ANK3: variants seen among roughly 807,000 people sequenced by gnomAD.
ANK3 encodes ankyrin 3.
Under a neutral mutation model 370.9 loss-of-function variants are expected in ANK3, and 57 were observed. That is an observed-to-expected ratio of 0.15 (90% CI 0.12 to 0.19). ANK3 has a LOEUF of 0.19. Among genes scored for constraint, ANK3 ranks in the 10% least tolerant of loss-of-function variants. ANK3 has a pLI of 1.00. For missense variants in ANK3, 4,439 were observed against 5,302.1 expected, an observed-to-expected ratio of 0.84 and a Z score of 5.06; for synonymous variants, 1,929 against 1,946.3, an observed-to-expected ratio of 0.99 and a Z score of 0.23.
intron 43 of ANK3, among the ~76,000 whole-genome samples, chr10:60,038,697 G>A (rs1017253241): frequency 6.6e-6 from 1 of 152,096 alleles, no homozygotes; most frequent in Admixed American, 6.5e-5. Context: ...TGGTGTGTGT[G>A]TGTGTGTTTT....
chr10:60,150,911 G>A (rs2095079880), intron 23 of ANK3, among the ~76,000 whole-genome samples: 1 of 152,090 alleles, frequency 6.6e-6, no homozygotes, highest in Admixed American at 6.6e-5. Flanking sequence ...GACTAACACA[G>A]AATCTCGAGT....
chr10:60,203,872 T>A (rs1475047681), intron 11 of ANK3, among the ~76,000 whole-genome samples: 1 of 152,202 alleles, frequency 6.6e-6, no homozygotes, highest in Admixed American at 6.5e-5. Flanking sequence ...AAATCTCAAG[T>A]CATTAATATT....
intron 1 of ANK3, among the ~76,000 whole-genome samples, chr10:60,683,195 T>C (rs918366156): frequency 6.6e-6 from 1 of 152,176 alleles, no homozygotes. Flanking sequence ...TTTGACAAAG[T>C]TTCTCCCTAC....
intron 38 of ANK3, among the ~76,000 whole-genome samples, chr10:60,067,022 C>T (rs775391932): frequency 1.2e-4 from 19 of 152,210 alleles, no homozygotes; most frequent in Admixed American, 2.0e-4. Flanking sequence ...CGGGTTCAAG[C>T]GATTCTCCTG....
chr10:60,468,976 T>C (rs1466753887), intron 2 of ANK3, among the ~76,000 whole-genome samples: 3 of 129,086 alleles, frequency 2.3e-5, no homozygotes, highest in East Asian at 4.3e-4. Flanking sequence ...AGGACCACTA[T>C]ATATATACCA....
In ANK3 at chr10:60,717,259, T is replaced by TACTC. The variant is rs931225800; in HGVS notation, c.57+16000_57+16003dup. ...ACCTATTAGAAGGAAGAAGTAGTGG[T>TACTC]ACTCAAAAAATAAAGGGTGCATAAA... is the stretch of plus-strand genomic sequence containing the variant. On this transcript the variant is annotated intron_variant, in intron 1 of 43. Transcript: ENST00000373827. 1.3e-4 allele frequency among the ~76,000 whole-genome samples: 18 copies of TACTC among 141,476 alleles called. 1 individual carries two copies. Among genetic ancestry groups the TACTC allele is most frequent in the Admixed American group, 1.2e-3 (16 of 13,346 alleles). 92.8% of individuals were successfully genotyped at this position (141,476 alleles called of 152,430 possible). A position where few individuals can be genotyped will look rare whatever the true frequency, so the allele number is the denominator to read the frequency against.
At chr10:60,626,852 T>C (rs2078417769) in intron 1 of ANK3, among the ~76,000 whole-genome samples, 1 of 152,090 alleles carries the variant, frequency 6.6e-6, no homozygotes, top group African/African-American at 2.4e-5. Context: ...AATACTCAAG[T>C]TGAAATACTA....
rs77548603 is a variant in ANK3, at chr10:60,072,273, G to A, written c.8608C>T (p.Leu2870Phe). Residue 2870 changes from leucine to phenylalanine, a missense_variant, in exon 37 of 44, where the codon CTT (leucine) becomes TTT (phenylalanine). By Grantham distance (22) the Leu-to-Phe change is conservative (BLOSUM62 0). Transcript: ENST00000280772. ...ACATCATGAACAAGTACATGCGAAAGTTTTTCTTTCTGAGACTTATTGTTA... is the reference window on the plus strand; with the variant it reads ...ACATCATGAACAAGTACATGCGAAAATTTTTCTTTCTGAGACTTATTGTTA... The part of the protein sequence containing the change: ...ATNNKSQKEK[L>F]SHVLVHDVRE... 1 of 1,614,076 alleles carries A rather than the reference G, an allele frequency of 6.2e-7. No individual in the cohort carries two copies. Among genetic ancestry groups the A allele is most frequent in the African/African-American group, 1.3e-5 (1 of 75,046 alleles).
chr10:60,490,773 C>T (rs928459719), intron 2 of ANK3, among the ~76,000 whole-genome samples: 1 of 152,180 alleles, frequency 6.6e-6, no homozygotes, highest in Non-Finnish European at 1.5e-5. Flanking sequence ...GCCACCATTT[C>T]TTAAAAATAG....
intron 2 of ANK3, among the ~76,000 whole-genome samples, chr10:60,417,446 G>C (rs1174018334): frequency 6.6e-6 from 1 of 152,168 alleles, no homozygotes; most frequent in Non-Finnish European, 1.5e-5. Context: ...TGCAGGCCTG[G>C]TTTCCTGGGA....
chr10:60,059,562 T>C, intron 40 of ANK3, 132 bp from the exon 41 acceptor site: 1 of 1,232,528 alleles, frequency 8.1e-7, no homozygotes. Context: ...TTTGAGTTTC[T>C]CTTCCATCAT....
chr10:60,694,232 A>G (rs2079406290), intron 1 of ANK3, among the ~76,000 whole-genome samples: 2 of 152,248 alleles, frequency 1.3e-5, no homozygotes, highest in Admixed American at 1.3e-4. Flanking sequence ...GAAGCCTCCA[A>G]GAAATATGGG....
At chr10:60,397,229 C>A (rs940273756) in intron 2 of ANK3, among the ~76,000 whole-genome samples, 1 of 151,520 alleles carries the variant, frequency 6.6e-6, no homozygotes, top group Non-Finnish European at 1.5e-5. Context: ...AAACACTACT[C>A]CAGATGCTAT....
chr10:60,401,317 C>T (rs1594956700), intron 2 of ANK3, among the ~76,000 whole-genome samples: 1 of 152,224 alleles, frequency 6.6e-6, no homozygotes, highest in East Asian at 1.9e-4. Context: ...TATCTTTGCA[C>T]TGATAGGCAA....
At chr10:60,565,952 A>C (rs2077450083) in intron 2 of ANK3, among the ~76,000 whole-genome samples, 1 of 152,222 alleles carries the variant, frequency 6.6e-6, no homozygotes, top group Non-Finnish European at 1.5e-5. Context: ...TTTACAACTT[A>C]AAGGTTTATG....
chr10:60,604,725 A>T (rs1368231941), intron 2 of ANK3, among the ~76,000 whole-genome samples: 1 of 152,176 alleles, frequency 6.6e-6, no homozygotes, highest in Non-Finnish European at 1.5e-5. Flanking sequence ...AAGATGTGGA[A>T]GGAATTTCTC....
chr10:60,205,977 G>C, intron 10 of ANK3, 87 bp from the exon 11 acceptor site: 1 of 844,570 alleles, frequency 1.2e-6, no homozygotes, highest in Non-Finnish European at 2.0e-6. Context: ...TTGCTAAAAT[G>C]ATGTGTGGTA....
intron 1 of ANK3, among the ~76,000 whole-genome samples, chr10:60,727,458 T>G (rs559483350): frequency 6.6e-6 from 1 of 152,278 alleles, no homozygotes; most frequent in East Asian, 1.9e-4. Context: ...TCAAGTAAAC[T>G]TCTCAGTTTG....
At chr10:60,416,938 T>A (rs746250531) in intron 2 of ANK3, among the ~76,000 whole-genome samples, 1 of 152,114 alleles carries the variant, frequency 6.6e-6, no homozygotes, top group African/African-American at 2.4e-5. Flanking sequence ...ACTACAAAAA[T>A]GGTTTTTGAG....
Sources: allele counts gnomAD v4.1 joint callset (sites outside exome capture counted in the v4.1 genomes callset), GRCh38; gene constraint gnomAD v4.1.1; transcripts MANE v1.5; gene names NCBI Gene and HGNC (gene_info 2026-07-23, HGNC 2026-07-21).